Variants in TRAF3IP2 observed in about 807,000 individuals in gnomAD.
The protein encoded by TRAF3IP2 is E3 ubiquitin ligase TRAF3IP2.
In TRAF3IP2, 35 loss-of-function variants were observed where a neutral mutation model predicts 57.9. That is an observed-to-expected ratio of 0.60 (90% CI 0.46 to 0.80). The LOEUF is 0.80. TRAF3IP2 is among the 30% of genes least tolerant of loss of function. The pLI is 0.00. For synonymous variants in TRAF3IP2, 251 were observed against 268.9 expected (o/e 0.93, Z 0.65); for missense variants, 556 against 706.4 (o/e 0.79, Z 2.41).
intron 1 of TRAF3IP2, chr6:111,600,979 T>C (rs948050965): frequency 1.1e-5 from 5 of 444,470 alleles, no homozygotes; most frequent in Non-Finnish European, 2.0e-5. Context: ...AAGCAAGGCA[T>C]AGAGAAGGTA....
intron 2 of TRAF3IP2, among the ~76,000 whole-genome samples, chr6:111,582,366 C>G (rs1027961671): frequency 1.3e-5 from 2 of 152,082 alleles, no homozygotes; most frequent in African/African-American, 4.8e-5. Flanking sequence ...CTGGTCATGA[C>G]AAGTAGTAGG....
At chr6:111,595,635 C>A (rs1218245847) in intron 1 of TRAF3IP2, among the ~76,000 whole-genome samples, 2 of 152,074 alleles carry the variant, frequency 1.3e-5, no homozygotes, top group Non-Finnish European at 2.9e-5. Flanking sequence ...CGAGACCAGC[C>A]TGGCCAACAT....
intron 1 of TRAF3IP2, among the ~76,000 whole-genome samples, chr6:111,603,646 A>G (rs1050283348): frequency 6.6e-6 from 1 of 152,038 alleles, no homozygotes; most frequent in Non-Finnish European, 1.5e-5. Context: ...GCCTGCAGAT[A>G]TGACTGTCTT....
chr6:111,584,514 G>T (rs950265939), intron 2 of TRAF3IP2, among the ~76,000 whole-genome samples: 2 of 152,014 alleles, frequency 1.3e-5, no homozygotes, highest in Non-Finnish European at 2.9e-5. Context: ...TATGGAAAAG[G>T]TTCCTAAATA....
At chr6:111,579,723 C>T (rs962762558) in intron 3 of TRAF3IP2, among the ~76,000 whole-genome samples, 2 of 151,914 alleles carry the variant, frequency 1.3e-5, no homozygotes, top group African/African-American at 2.4e-5. Flanking sequence ...CAGAGCAAAA[C>T]CCTGTCTCAA....
At chr6:111,577,995 G>A (rs1053594966) in intron 3 of TRAF3IP2, among the ~76,000 whole-genome samples, 5 of 152,132 alleles carry the variant, frequency 3.3e-5, no homozygotes, top group African/African-American at 1.2e-4. Context: ...TTACAGGTGT[G>A]AGCCACCAAG....
chr6:111,600,444 G>C (rs527319743), intron 1 of TRAF3IP2: 3 of 152,190 alleles, frequency 2.0e-5, no homozygotes, highest in African/African-American at 7.2e-5. Flanking sequence ...TAGACACATT[G>C]AGAAGCTTTT....
At chr6:111,571,312 A>C (rs945257423) in intron 5 of TRAF3IP2, among the ~76,000 whole-genome samples, 2 of 152,036 alleles carry the variant, frequency 1.3e-5, no homozygotes, top group African/African-American at 4.8e-5. Context: ...TCCTGACCTC[A>C]GGTGATCTGC....
intron 2 of TRAF3IP2, among the ~76,000 whole-genome samples, chr6:111,581,395 A>T (rs543030031): frequency 6.6e-6 from 1 of 152,308 alleles, no homozygotes; most frequent in East Asian, 1.9e-4. Flanking sequence ...TCCTACCCAC[A>T]TAAGCAGTAA....
At chr6:111,567,575 A>G in intron 6 of TRAF3IP2, 49 bp downstream of exon 6, 1 of 1,564,076 alleles carries the variant, frequency 6.4e-7, no homozygotes, top group Non-Finnish European at 8.7e-7. Flanking sequence ...TCATAAGCTC[A>G]TTGTCTTTCT....
rs150436455 is a variant in TRAF3IP2, at chr6:111,566,513, G to T, written c.1407C>A (p.Asp469Glu). 1.2e-6 allele frequency: 2 copies of T among 1,614,148 alleles called. No individual in the cohort carries two copies. The highest frequency in any genetic ancestry group is 4.5e-5 in the East Asian group (2 of 44,880). ...CCAGCTGCGACTCAGCGCCTTCCACGTCCTGTTTGTATTTGGGGCTGATTG... is the reference window on the plus strand; with the variant it reads ...CCAGCTGCGACTCAGCGCCTTCCACTTCCTGTTTGTATTTGGGGCTGATTG... ...IVAISPKYKQ[D>E]VEGAESQLDE... The change falls in exon 7 of 9, where the codon GAC becomes GAA. Residue 469 changes from aspartate to glutamate, a missense_variant. This residue lies in a region of TRAF3IP2 where 128 missense variants were observed against 207.7 expected (regional missense o/e 0.62). Coordinates refer to ENST00000368761, the MANE Select transcript of TRAF3IP2 (RefSeq NM_147686.4).
At chr6:111,599,624 C>G (rs1378091542) in intron 1 of TRAF3IP2, among the ~76,000 whole-genome samples, 2 of 152,198 alleles carry the variant, frequency 1.3e-5, no homozygotes, top group Non-Finnish European at 2.9e-5. Flanking sequence ...CAATCTTTTC[C>G]TCTTTTAGCA....
At chr6:111,578,434 A>G (rs1383322843) in intron 3 of TRAF3IP2, among the ~76,000 whole-genome samples, 1 of 152,092 alleles carries the variant, frequency 6.6e-6, no homozygotes, top group Non-Finnish European at 1.5e-5. Context: ...TGAGGCCAGG[A>G]GTTTGAAACC....
rs763896769 is a variant in TRAF3IP2, at chr6:111,572,953, G to A, written c.1232C>T (p.Thr411Ile). Reference protein sequence around the residue: ...RKVFITYSMDTAMEVVKFVNF... With the variant: ...RKVFITYSMDIAMEVVKFVNF... ...CACGAATTTCACCACCTCCATAGCT[G>A]TGTCCATCGAATAAGTGATAAAGAC... Residue 411 changes from threonine (T) to isoleucine (I), a missense_variant, in exon 5 of 9, where the codon ACA becomes ATA. Around this residue, in one of 2 missense-constraint regions of TRAF3IP2, gnomAD observed 128 missense variants for 207.7 expected, o/e 0.62. Transcript: ENST00000368761. 1.2e-5 allele frequency: 20 copies of A among 1,614,008 alleles called. No individual in the cohort carries two copies. Among genetic ancestry groups the A allele is most frequent in the Non-Finnish European group, 1.5e-5 (18 of 1,179,976 alleles).
rs746452732 is a variant in TRAF3IP2 at position 111,591,954 on chromosome 6, T to C, written c.133A>G (p.Asn45Asp). 16 of 1,614,104 alleles carry C rather than the reference T, an allele frequency of 9.9e-6. No individual in the cohort carries two copies. In the East Asian group the frequency reaches 1.1e-4, roughly 11 times the overall value. ...AGCATTGTGGGTGCAGACAAGCTGT[T>C]GGGTGCCATGTTCCTTATATTTGGA... ...PAPNIRNMAP[N>D]SLSAPTMLHN... is the part of the protein sequence containing the mutation. Residue 45 changes from asparagine to aspartate, a missense_variant, in exon 2 of 9, where the codon AAC (asparagine) becomes GAC (aspartate). Physicochemically the swap from Asn to Asp is conservative, Grantham distance 23. Around this residue, in one of 2 missense-constraint regions of TRAF3IP2, gnomAD observed 428 missense variants for 498.7 expected, o/e 0.86. Transcript: ENST00000368761. The surrounding 1 kb of genome is among the most constrained non-coding windows in gnomAD (Gnocchi z 4.9).
intron 1 of TRAF3IP2, among the ~76,000 whole-genome samples, chr6:111,595,441 C>T (rs1043388734): frequency 2.0e-4 from 31 of 152,344 alleles, no homozygotes; most frequent in African/African-American, 7.5e-4. Context: ...GTGTCCAACT[C>T]AATGCTGTGT....
intron 1 of TRAF3IP2, among the ~76,000 whole-genome samples, chr6:111,596,592 T>C (rs1467847742): frequency 6.6e-6 from 1 of 152,228 alleles, no homozygotes; most frequent in Non-Finnish European, 1.5e-5. Flanking sequence ...TAGCTGTGAT[T>C]ACAGGTGTGC....
chr6:111,578,603 A>T (rs1017255235), intron 3 of TRAF3IP2, among the ~76,000 whole-genome samples: 1 of 152,212 alleles, frequency 6.6e-6, no homozygotes, highest in African/African-American at 2.4e-5. Flanking sequence ...AGATCTCGCC[A>T]CTGCACTCCA....
chr6:111,599,534 T>C (rs1160370552), intron 1 of TRAF3IP2, among the ~76,000 whole-genome samples: 2 of 152,182 alleles, frequency 1.3e-5, no homozygotes, highest in African/African-American at 4.8e-5. Context: ...CCTCTCTCTT[T>C]TTTAATTTTT....
Sources: allele counts gnomAD v4.1 joint callset (sites outside exome capture counted in the v4.1 genomes callset), GRCh38; gene constraint gnomAD v4.1.1; regional missense constraint gnomAD v4.1.1; non-coding constraint Gnocchi (gnomAD v3.1); transcripts MANE v1.5; gene names NCBI Gene and HGNC (gene_info 2026-07-23, HGNC 2026-07-21).